The following CACNA1B variants were observed in gnomAD, a reference collection of about 807,000 sequenced individuals.
CACNA1B encodes voltage-dependent N-type calcium channel subunit alpha-1B.
Under a neutral mutation model 247.2 loss-of-function variants are expected in CACNA1B, and 70 were observed. That is an observed-to-expected ratio of 0.28 (90% CI 0.23 to 0.35). The LOEUF (loss-of-function observed/expected upper bound fraction) is 0.35. CACNA1B is among the 10% of genes least tolerant of loss of function. CACNA1B has a pLI of 1.00. For missense variants in CACNA1B, 2,367 were observed against 3,197.4 expected (o/e 0.74, Z 6.26); for synonymous variants, 1,231 against 1,294.4 (o/e 0.95, Z 1.05).
Position 138,050,591 on chromosome 9 carries a change from C to G in CACNA1B, c.3710+1276C>G, listed in dbSNP as rs1959239940. On this transcript the variant is annotated intron_variant, in intron 24 of 46. Transcript: ENST00000371372. This position sits in a 1 kb window ranked among gnomAD's most constrained non-coding sequence, Gnocchi z 5.2. Reference sequence around the variant, plus strand: ...AGCTTAGGCCTTGGGAGTGGGAACACTGCAGCCAGGGGTCCCCCAGTCAGG... The same window carrying G: ...AGCTTAGGCCTTGGGAGTGGGAACAGTGCAGCCAGGGGTCCCCCAGTCAGG... 6.6e-6 allele frequency among the ~76,000 whole-genome samples: 1 copy of G among 152,312 alleles called. No individual in the cohort carries two copies. Among genetic ancestry groups the G allele is most frequent in the South Asian group, 2.1e-4 (1 of 4,826 alleles).
intron 36 of CACNA1B, among the ~76,000 whole-genome samples, chr9:138,091,833 G>T (rs1166103701): frequency 6.6e-6 from 1 of 152,146 alleles, no homozygotes. Context: ...TTCAACATAG[G>T]TTCTTTTCTA....
intron 21 of CACNA1B, 63 bp downstream of exon 21, chr9:138,043,963 G>T: frequency 2.5e-6 from 4 of 1,577,206 alleles, no homozygotes; most frequent in Non-Finnish European, 3.5e-6. Context: ...TGACCCGTGG[G>T]ATCTCAGTAG....
intron 37 of CACNA1B, among the ~76,000 whole-genome samples, chr9:138,098,067 TG>T (rs1961115992): frequency 6.6e-6 from 1 of 152,192 alleles, no homozygotes. Flanking sequence ...AGCATCTCTG[TG>T]GGTGTTTTTC....
chr9:137,879,331 C>A (rs923272900), intron 2 of CACNA1B, among the ~76,000 whole-genome samples, 172 bp downstream of exon 2: 2 of 152,274 alleles, frequency 1.3e-5, no homozygotes, highest in African/African-American at 4.8e-5. Flanking sequence ...AGGGCCAGGG[C>A]AGCTGGGGTC....
intron 20 of CACNA1B, among the ~76,000 whole-genome samples, chr9:138,025,503 A>G (rs759046878): frequency 6.6e-6 from 1 of 152,192 alleles, no homozygotes; most frequent in Non-Finnish European, 1.5e-5. Flanking sequence ...CAAAACAGGC[A>G]CAACTCTTGA....
chr9:138,120,851 A>G lies in CACNA1B; in HGVS notation c.6459A>G (p.Thr2153=). 3 of 1,573,240 alleles carry G rather than the reference A, an allele frequency of 1.9e-6. No individual in the cohort carries two copies. The highest frequency in any genetic ancestry group is 1.2e-5 in the South Asian group (1 of 85,548). ...PSLSSHPTSP[T]AGQEPGPHPQ... is the part of the protein sequence containing the mutation. Reference sequence around the variant, plus strand: ...TCAGCAGCCACCCAACGTCGCCAACAGCTGGCCAGGAGCCGGGACCCCACC... The same window carrying G: ...TCAGCAGCCACCCAACGTCGCCAACGGCTGGCCAGGAGCCGGGACCCCACC... Residue 2153 remains threonine, a synonymous_variant, in exon 46 of 47, where the codon ACA becomes ACG. Coordinates refer to ENST00000371372, the MANE Select transcript of CACNA1B (RefSeq NM_000718.4).
At chr9:138,039,469 TCAAA>T (rs1227520066) in intron 20 of CACNA1B, among the ~76,000 whole-genome samples, 3 of 152,202 alleles carry the variant, frequency 2.0e-5, no homozygotes, top group East Asian at 1.9e-4. Flanking sequence ...CACAGAATTA[TCAAA>T]CAAACTCTCG....
At chr9:138,002,414 T>A (rs924640599) in intron 15 of CACNA1B, among the ~76,000 whole-genome samples, 3 of 152,056 alleles carry the variant, frequency 2.0e-5, no homozygotes, top group African/African-American at 7.2e-5. Context: ...TAAAGATGAT[T>A]TAAAGAGTAA....
rs552738180 is a variant in CACNA1B, at chr9:137,991,243, A to G, written c.1974+4389A>G. ...CAGTGAAATCGCATAAAAAAATCAC[A>G]GTTTCTGGAAATCAGGGACACACTT... On this transcript the variant is annotated intron_variant, in intron 15 of 46. Coordinates refer to ENST00000371372, the MANE Select transcript of CACNA1B (RefSeq NM_000718.4). 3.3e-5 allele frequency among the ~76,000 whole-genome samples: 5 copies of G among 152,368 alleles called. No homozygotes were observed. In the South Asian group the frequency reaches 1.0e-3, roughly 32 times the overall value.
At position 137,990,302 on chromosome 9, in the gene CACNA1B, C is replaced by T. The variant is rs1018919040; in HGVS notation, c.1974+3448C>T. On this transcript the variant is annotated intron_variant, in intron 15 of 46. Transcript: ENST00000371372. The surrounding 1 kb of genome is among the most constrained non-coding windows in gnomAD (Gnocchi z 4.5). ...ATCCCCCACAGCAGCCACAGCAAGC[C>T]CCGCCCAAGCAGAGTCTGAGCTCAG... is the stretch of plus-strand genomic sequence containing the variant. Among the ~76,000 whole-genome samples the T allele has an allele frequency of 6.6e-6, 1 of 152,038 alleles. No homozygotes were observed. Among genetic ancestry groups the T allele is most frequent in the Non-Finnish European group, 1.5e-5 (1 of 68,014 alleles).
In CACNA1B at chr9:137,974,903, T is replaced by TG. The variant is rs1252115009; in HGVS notation, c.1544-1003dup. On this transcript the variant is annotated intron_variant, in intron 11 of 46. Transcript: ENST00000371372. The surrounding 1 kb of genome is among the most constrained non-coding windows in gnomAD (Gnocchi z 4.5). ...TGGCAGAGCCATGGTGCCTTTGGCC[T>TG]GACCAGCACTGTGAGAAGTTTAAGA... 6.6e-6 allele frequency among the ~76,000 whole-genome samples: 1 copy of TG among 152,224 alleles called. No homozygotes were observed. Among genetic ancestry groups the TG allele is most frequent in the Non-Finnish European group, 1.5e-5 (1 of 68,034 alleles).
rs764269348 is a variant in CACNA1B at position 138,054,052 on chromosome 9, C to G, written c.3968+46C>G. The G allele has an allele frequency of 1.9e-6, 3 of 1,570,158 alleles. No individual in the cohort carries two copies. In the South Asian group the frequency reaches 3.3e-5, roughly 18 times the overall value. Reference sequence around the variant, plus strand: ...AGGTGGGACACACAGCCCCATGATGCAGACAACACTGGGAGTTCCCTTGGG... The same window carrying G: ...AGGTGGGACACACAGCCCCATGATGGAGACAACACTGGGAGTTCCCTTGGG... On this transcript the variant is annotated intron_variant, in intron 26 of 46. Coordinates refer to ENST00000371372, the MANE Select transcript of CACNA1B (RefSeq NM_000718.4). This position sits in a 1 kb window ranked among gnomAD's most constrained non-coding sequence, Gnocchi z 4.6.
intron 37 of CACNA1B, among the ~76,000 whole-genome samples, chr9:138,101,594 C>T (rs959651099): frequency 8.5e-5 from 13 of 152,254 alleles, no homozygotes; most frequent in South Asian, 2.1e-4. Context: ...CAGGAGCAGC[C>T]GTCCTCTGGG....
intron 10 of CACNA1B, among the ~76,000 whole-genome samples, chr9:137,960,611 A>G (rs1406148027): frequency 6.6e-6 from 1 of 151,958 alleles, no homozygotes; most frequent in Non-Finnish European, 1.5e-5. Context: ...AACGAGTGCC[A>G]AGACCCTGAG....
intron 6 of CACNA1B, among the ~76,000 whole-genome samples, chr9:137,949,055 TGAA>T (rs1269359875): frequency 5.2e-5 from 6 of 114,430 alleles, no homozygotes; most frequent in Admixed American, 8.9e-5. Context: ...TGTGTGGGTG[TGAA>T]GTATGTGTGT....
rs551623861 is a variant in CACNA1B, at chr9:138,012,468, G to A, written c.2161-661G>A. ...ATGGTACAGACAAGCTGAAGGCCAGGCATGGTAGCTAACACCTGTACTCCC... is the reference window on the plus strand; with the variant it reads ...ATGGTACAGACAAGCTGAAGGCCAGACATGGTAGCTAACACCTGTACTCCC... On this transcript the variant is annotated intron_variant, in intron 17 of 46. Transcript: ENST00000371372. The surrounding 1 kb of genome is among the most constrained non-coding windows in gnomAD (Gnocchi z 4.2). 2.0e-3 allele frequency among the ~76,000 whole-genome samples: 303 copies of A among 152,260 alleles called. No homozygotes were observed. The highest frequency in any genetic ancestry group is 2.8e-3 in the Non-Finnish European group (191 of 68,010).
intron 9 of CACNA1B, 122 bp downstream of exon 9, chr9:137,956,949 G>A (rs1356114943): frequency 1.3e-6 from 1 of 752,582 alleles, no homozygotes; most frequent in African/African-American, 1.7e-5. Context: ...CACCTGCACA[G>A]CCATCACATG....
chr9:138,074,180 A>G (rs945399789), intron 34 of CACNA1B, 114 bp downstream of exon 34: 3 of 793,764 alleles, frequency 3.8e-6, no homozygotes, highest in South Asian at 1.4e-5. Context: ...CTTAGTGAAC[A>G]TTCTCTGTGA....
At position 138,027,132 on chromosome 9, in the gene CACNA1B, G is replaced by A. The variant is rs72769076; in HGVS notation, c.3286+1960G>A. Among the ~76,000 whole-genome samples the A allele has an allele frequency of 3.0e-3, 455 of 152,220 alleles. 1 individual carries two copies. The highest frequency in any genetic ancestry group is 5.1e-3 in the Admixed American group (78 of 15,296). ...TCTGGCTGTTTGTTTTCTAGTTGTTGAGTTTTAGGAGTTCTTTGTATATTT... is the reference window on the plus strand; with the variant it reads ...TCTGGCTGTTTGTTTTCTAGTTGTTAAGTTTTAGGAGTTCTTTGTATATTT... On this transcript the variant is annotated intron_variant, in intron 20 of 46. Transcript: ENST00000371372.
Sources: allele counts gnomAD v4.1 joint callset (sites outside exome capture counted in the v4.1 genomes callset), GRCh38; gene constraint gnomAD v4.1.1; non-coding constraint Gnocchi (gnomAD v3.1); transcripts MANE v1.5; gene names NCBI Gene and HGNC (gene_info 2026-07-23, HGNC 2026-07-21).